The following MS4A10 variants were observed in gnomAD, a reference collection of about 807,000 sequenced individuals.
MS4A10 encodes membrane spanning 4-domains A10.
A neutral mutation model predicts 27.7 loss-of-function variants in MS4A10; 27 were observed. The observed-to-expected ratio is 0.98, with a 90% CI of 0.72 to 1.35. The LOEUF is 1.35. MS4A10 is among the 40% of genes most tolerant of loss of function. MS4A10 has a pLI of 0.00. For synonymous variants in MS4A10, 139 were observed against 131.2 expected, an observed-to-expected ratio of 1.06 and a Z score of -0.41; for missense variants, 338 against 324.7, an observed-to-expected ratio of 1.04 and a Z score of -0.32.
intron 2 of MS4A10, among the ~76,000 whole-genome samples, 183 bp from the exon 3 acceptor site, chr11:60,790,791 T>G (rs1854416642): frequency 2.6e-5 from 4 of 152,192 alleles, no homozygotes; most frequent in Admixed American, 2.0e-4. Flanking sequence ...ATGGGGCCCT[T>G]GGCAGCTTCA....
chr11:60,793,995 C>T lies in MS4A10; in HGVS notation c.384C>T (p.Asn128=). The T allele has an allele frequency of 6.2e-7, 1 of 1,614,146 alleles. No individual in the cohort carries two copies. The highest frequency in any genetic ancestry group is 8.5e-7 in the Non-Finnish European group (1 of 1,180,030). Reference sequence around the variant, plus strand: ...AGAAGATGTTGTGCCTGATGACAAACCTCATCAGCCTCTTTTGCGTGCTGT... The same window carrying T: ...AGAAGATGTTGTGCCTGATGACAAATCTCATCAGCCTCTTTTGCGTGCTGT... ...TYLKMLCLMT[N]LISLFCVLSG... The change falls in exon 5 of 8, where the codon AAC becomes AAT. Residue 128 remains asparagine, a synonymous_variant. Transcript: ENST00000308287.
chr11:60,797,734 T>C (rs1348812913), intron 6 of MS4A10, among the ~76,000 whole-genome samples: 2 of 152,214 alleles, frequency 1.3e-5, no homozygotes, highest in Non-Finnish European at 2.9e-5. Context: ...GGGTGTCTTC[T>C]GGGGGCCGTG....
At chr11:60,798,298 A>G in intron 6 of MS4A10, 98 bp from the exon 7 acceptor site, 1 of 913,336 alleles carries the variant, frequency 1.1e-6, no homozygotes, top group Non-Finnish European at 1.7e-6. Context: ...TTCATGGAGA[A>G]CTTGAGTCTT....
chr11:60,793,841 G>A (rs555184287), intron 4 of MS4A10, 131 bp from the exon 5 acceptor site: 1 of 1,000,696 alleles, frequency 1.0e-6, no homozygotes, highest in African/African-American at 1.6e-5. Flanking sequence ...CAGGCAGAGG[G>A]GGCCTTGGGC....
intron 7 of MS4A10, among the ~76,000 whole-genome samples, chr11:60,799,192 A>G (rs937969327): frequency 2.0e-5 from 3 of 152,200 alleles, no homozygotes; most frequent in Admixed American, 2.0e-4. Context: ...GAAAGCTCTG[A>G]GATCAGGAGA....
At position 60,799,954 on chromosome 11, in the gene MS4A10, C is replaced by G. The variant is rs1366356072; in HGVS notation, c.*45C>G. On this transcript the variant is annotated 3_prime_UTR_variant, in exon 8 of 8. Coordinates refer to ENST00000308287, the MANE Select transcript of MS4A10 (RefSeq NM_206893.4). ...GCCCAAACTTGGTTGGAGCATAGCC[C>G]CTGCTCTCCCAAAGTTGCACTTTCA... 1 of 1,613,368 alleles carries G rather than the reference C, an allele frequency of 6.2e-7. No homozygotes were observed.
intron 1 of MS4A10, 109 bp from the exon 2 acceptor site, chr11:60,790,205 A>T (rs768291696): frequency 1.0e-4 from 92 of 908,452 alleles, no homozygotes; most frequent in Non-Finnish European, 1.5e-4. Context: ...GGGCAACCAC[A>T]GTTCTGGAAA....
In MS4A10 at chr11:60,798,288, T is replaced by A. The variant is rs537152335; in HGVS notation, c.604-108T>A. ...TCTCTCAAGCCTCAGTTTCCCCACA[T>A]TCATGGAGAACTTGAGTCTTCAGAA... On this transcript the variant is annotated intron_variant, in intron 6 of 7. Transcript: ENST00000308287. 139 of 838,562 alleles carry A rather than the reference T, an allele frequency of 1.7e-4. 2 individuals carry two copies. In the South Asian group the frequency reaches 2.2e-3, roughly 13 times the overall value. 51.9% of individuals were successfully genotyped at this position (838,562 alleles called of 1,614,324 possible). A position where few individuals can be genotyped will look rare whatever the true frequency, so the allele number is the denominator to read the frequency against.
chr11:60,791,017 G>T lies in MS4A10; in HGVS notation c.227G>T (p.Gly76Val). Residue 76 changes from glycine to valine, a missense_variant, in exon 3 of 8, where the codon GGC becomes GTC. Transcript: ENST00000308287. ...GCTCTGCTGCACCTGGTCTTTGGGG[G>T]CTACCTGGCCTCTATAGTCAAGAAC... ...TIALLHLVFG[G>V]YLASIVKNLH... is the part of the protein sequence containing the mutation. 6.2e-7 allele frequency: 1 copy of T among 1,614,182 alleles called. No homozygotes were observed. Among genetic ancestry groups the T allele is most frequent in the Non-Finnish European group, 8.5e-7 (1 of 1,180,036 alleles).
rs1301313153 is a variant in MS4A10 at position 60,800,744 on chromosome 11, CAG to C, written c.*842_*843del. ...AAGGCATTAGGTTCTGAGACAGCGG[CAG>C]AGAGAGCCATGCAAATGTTTAGGAC... On this transcript the variant is annotated 3_prime_UTR_variant, in exon 8 of 8. Coordinates refer to ENST00000308287, the MANE Select transcript of MS4A10 (RefSeq NM_206893.4). The C allele has an allele frequency of 1.3e-5, 2 of 150,964 alleles. No homozygotes were observed. Among genetic ancestry groups the C allele is most frequent in the Non-Finnish European group, 2.9e-5 (2 of 67,930 alleles). The allele number at this position is 150,964 out of a possible 1,614,324, so 9.4% of individuals were successfully genotyped here.
intron 1 of MS4A10, among the ~76,000 whole-genome samples, chr11:60,788,709 G>A (rs1461398208): frequency 6.6e-6 from 1 of 152,208 alleles, no homozygotes; most frequent in Non-Finnish European, 1.5e-5. Flanking sequence ...GAAAGAGGGA[G>A]ACCCTCTGCC....
chr11:60,787,228 G>A (rs1854355356), intron 1 of MS4A10, among the ~76,000 whole-genome samples: 2 of 152,122 alleles, frequency 1.3e-5, no homozygotes, highest in African/African-American at 4.8e-5. Flanking sequence ...GGGGTTGGGC[G>A]GGGAAAGGCT....
rs1854606890 is a variant in MS4A10 at position 60,800,053 on chromosome 11, CTGGGA to C, written c.*145_*149del. ...ACAGCAAAGTCAGCCCTCACAGCTC[CTGGGA>C]ACGCTGTCCTCTCAGATAAGCCATT... On this transcript the variant is annotated 3_prime_UTR_variant, in exon 8 of 8. Coordinates refer to ENST00000308287, the MANE Select transcript of MS4A10 (RefSeq NM_206893.4). The C allele has an allele frequency of 1.9e-4, 67 of 348,018 alleles. No homozygotes were observed. Among genetic ancestry groups the C allele is most frequent in the East Asian group, 7.8e-4 (1 of 1,274 alleles). The allele number at this position is 348,018 out of a possible 1,614,324, so 21.6% of individuals were successfully genotyped here.
At chr11:60,797,785 C>T (rs1180962625) in intron 6 of MS4A10, among the ~76,000 whole-genome samples, 3 of 152,232 alleles carry the variant, frequency 2.0e-5, no homozygotes, top group Non-Finnish European at 2.9e-5. Context: ...TTGAATCTCA[C>T]GGCCATTCTG....
intron 6 of MS4A10, among the ~76,000 whole-genome samples, chr11:60,797,088 G>C (rs1033517965): frequency 6.6e-6 from 1 of 152,104 alleles, no homozygotes; most frequent in African/African-American, 2.4e-5. Context: ...AGCAGAGAAG[G>C]TGTCTTTGTT....
intron 5 of MS4A10, among the ~76,000 whole-genome samples, chr11:60,794,413 C>T (rs1448173109): frequency 6.6e-6 from 1 of 152,232 alleles, no homozygotes; most frequent in East Asian, 1.9e-4. Context: ...CCTAAAACTG[C>T]TGATTTCCCA....
At position 60,790,897 on chromosome 11, in the gene MS4A10, G is replaced by A. The variant is rs1043455691; in HGVS notation, c.184-77G>A. The A allele has an allele frequency of 1.3e-5, 21 of 1,576,928 alleles. No homozygotes were observed. The African/African-American group carries it at 1.4e-4, about 10-fold the overall frequency. On this transcript the variant is annotated intron_variant, in intron 2 of 7. Coordinates refer to ENST00000308287, the MANE Select transcript of MS4A10 (RefSeq NM_206893.4). ...CAGAAGGGACTCACCACAGCCAGTAGGTCCAGGGCACTAGTGGCCTCAATT... is the reference window on the plus strand; with the variant it reads ...CAGAAGGGACTCACCACAGCCAGTAAGTCCAGGGCACTAGTGGCCTCAATT...
In MS4A10 at chr11:60,793,967, T is replaced by C. The variant is rs748699820; in HGVS notation, c.361-5T>C. 2 of 1,613,758 alleles carry C rather than the reference T, an allele frequency of 1.2e-6. No homozygotes were observed. The highest frequency in any genetic ancestry group is 1.3e-5 in the African/African-American group (1 of 74,946). ...ACAGCTGTTACCTTTATTTTTCACC[T>C]ATAGAAGATGTTGTGCCTGATGACA... On this transcript the variant is annotated splice_polypyrimidine_tract_variant and splice_region_variant and intron_variant, in intron 4 of 7. Transcript: ENST00000308287.
chr11:60,793,850 GC>G (rs1854473082), intron 4 of MS4A10, 121 bp from the exon 5 acceptor site: 3 of 1,136,844 alleles, frequency 2.6e-6, no homozygotes, highest in Non-Finnish European at 2.5e-6. Flanking sequence ...GGGGCCTTGG[GC>G]CCAGTGACAG....
Sources: gnomAD v4.1 joint callset for allele counts (sites outside exome capture counted in the v4.1 genomes callset) on GRCh38, gnomAD v4.1.1 for gene constraint, MANE v1.5 for transcripts, NCBI Gene and HGNC (gene_info 2026-07-23, HGNC 2026-07-21) for gene names.